The following DLG2 variants were observed in gnomAD, a reference collection of about 807,000 sequenced individuals.
The protein encoded by DLG2 is disks large homolog 2.
DLG2 carries 45 observed loss-of-function variants against 132.5 expected under a neutral mutation model. The observed-to-expected ratio is 0.34, with a 90% confidence interval of 0.27 to 0.44. The LOEUF is 0.44. DLG2 is among the 20% of genes least tolerant of loss of function. The pLI is 1.00. For synonymous variants in DLG2, 424 were observed against 419.6 expected, an observed-to-expected ratio of 1.01 and a Z score of -0.13; for missense variants, 1,045 against 1,196.9, an observed-to-expected ratio of 0.87 and a Z score of 1.87.
chr11:85,223,993 A>G (rs1369817090), intron 4 of DLG2, among the ~76,000 whole-genome samples: 1 of 152,184 alleles, frequency 6.6e-6, no homozygotes, highest in African/African-American at 2.4e-5. Flanking sequence ...AAAAAAGGTG[A>G]CCTTGGTAAA....
At chr11:84,471,802 T>A (rs1039343931) in intron 7 of DLG2, among the ~76,000 whole-genome samples, 2 of 151,880 alleles carry the variant, frequency 1.3e-5, no homozygotes, top group African/African-American at 4.8e-5. Context: ...AAACTCTCTA[T>A]CTTCCTCCTT....
intron 6 of DLG2, among the ~76,000 whole-genome samples, chr11:84,610,467 A>G (rs547096121): frequency 1.3e-5 from 2 of 152,284 alleles, no homozygotes; most frequent in South Asian, 4.1e-4. Flanking sequence ...AAGGTTCCAG[A>G]TAGTGACCTA....
rs11338428 is a variant in DLG2 at position 84,174,014 on chromosome 11, C to CTTTTTTTTTTTTTTTTTT, written c.574-10521_574-10504dup. 1.3e-3 allele frequency among the ~76,000 whole-genome samples: 81 copies of CTTTTTTTTTTTTTTTTTT among 61,202 alleles called. 15 individuals carry two copies. The highest frequency in any genetic ancestry group is 2.8e-3 in the African/African-American group (43 of 15,364). The allele number at this position is 61,202 out of a possible 152,430, so 40.2% of individuals were successfully genotyped here. The stretch of plus-strand genomic sequence containing the variant: ...CTGAGTTTTGACTTCACCCCCCGGC[C>CTTTTTTTTTTTTTTTTTT]TTTTTTTTTTTTTTTTTTTTTTCTG... On this transcript the variant is annotated intron_variant, in intron 8 of 27. Coordinates refer to ENST00000376104, the MANE Select transcript of DLG2 (RefSeq NM_001142699.3).
chr11:84,979,699 A>C (rs2055452011), intron 6 of DLG2, among the ~76,000 whole-genome samples: 1 of 152,162 alleles, frequency 6.6e-6, no homozygotes, highest in African/African-American at 2.4e-5. Flanking sequence ...AGATATACCT[A>C]ATATTAAATG....
chr11:84,879,255 C>G (rs2086902942), intron 6 of DLG2, among the ~76,000 whole-genome samples: 2 of 152,098 alleles, frequency 1.3e-5, no homozygotes, highest in South Asian at 4.2e-4. Context: ...TGCTCACAAA[C>G]AGGATAAAAT....
intron 3 of DLG2, among the ~76,000 whole-genome samples, chr11:85,352,038 C>T (rs954979237): frequency 6.6e-6 from 1 of 152,136 alleles, no homozygotes; most frequent in Non-Finnish European, 1.5e-5. Flanking sequence ...CCATCTGGTC[C>T]TGGACTTTTT....
intron 18 of DLG2, among the ~76,000 whole-genome samples, chr11:83,757,572 A>C (rs930237976): frequency 3.9e-5 from 6 of 152,300 alleles, no homozygotes; most frequent in East Asian, 1.9e-4. Flanking sequence ...TGAATAGATG[A>C]AGACTTTCAG....
rs772147218 is a variant in DLG2 at position 84,853,598 on chromosome 11, T to G, written c.357+258063A>C. On this transcript the variant is annotated intron_variant, in intron 6 of 27. Coordinates refer to ENST00000376104, the MANE Select transcript of DLG2 (RefSeq NM_001142699.3). ...TTAGTGCCTACCCTGCATCGAGCAC[T>G]GTGCTAGGTCTTAGGAATTGGAGAA... is the stretch of plus-strand genomic sequence containing the variant. Among the ~76,000 whole-genome samples the G allele has an allele frequency of 2.0e-5, 3 of 152,056 alleles. No individual in the cohort carries two copies. The South Asian group carries it at 6.2e-4, about 31-fold the overall frequency.
At chr11:84,753,524 T>C (rs1476712424) in intron 6 of DLG2, among the ~76,000 whole-genome samples, 2 of 152,198 alleles carry the variant, frequency 1.3e-5, no homozygotes, top group Admixed American at 1.3e-4. Context: ...TTTATGTTTT[T>C]GGCCTGGGAA....
intron 6 of DLG2, among the ~76,000 whole-genome samples, chr11:84,808,960 T>A (rs1360366626): frequency 6.6e-6 from 1 of 151,992 alleles, no homozygotes. Flanking sequence ...TCCTTTCTAA[T>A]ATTATTAAAA....
intron 18 of DLG2, among the ~76,000 whole-genome samples, chr11:83,678,928 G>C (rs752230938): frequency 6.6e-6 from 1 of 152,136 alleles, no homozygotes; most frequent in Non-Finnish European, 1.5e-5. Context: ...GACCAAAAGT[G>C]AGAGCAAGGA....
rs546130484 is a variant in DLG2 at position 83,754,075 on chromosome 11, A to G, written c.1825+32615T>C. Among the ~76,000 whole-genome samples the G allele has an allele frequency of 7.3e-5, 11 of 150,248 alleles. No homozygotes were observed. The East Asian group carries it at 1.9e-3, about 26-fold the overall frequency. ...AACAATGCTTTTGCCCTAAACATGGAGCTTATTTAGTTAAAAAATACTGGG... is the reference window on the plus strand; with the variant it reads ...AACAATGCTTTTGCCCTAAACATGGGGCTTATTTAGTTAAAAAATACTGGG... On this transcript the variant is annotated intron_variant, in intron 18 of 27. Coordinates refer to ENST00000376104, the MANE Select transcript of DLG2 (RefSeq NM_001142699.3).
intron 6 of DLG2, among the ~76,000 whole-genome samples, chr11:84,648,461 T>C (rs1373795575): frequency 6.6e-6 from 1 of 152,166 alleles, no homozygotes; most frequent in African/African-American, 2.4e-5. Context: ...TGTAGCTTCT[T>C]GACTTTCATT....
chr11:85,302,240 G>A (rs1468019727), intron 3 of DLG2, among the ~76,000 whole-genome samples: 1 of 152,028 alleles, frequency 6.6e-6, no homozygotes, highest in Non-Finnish European at 1.5e-5. Context: ...CTTTTGGTCT[G>A]TTATTTCCAA....
intron 9 of DLG2, among the ~76,000 whole-genome samples, chr11:84,127,772 G>A (rs533350767): frequency 1.3e-5 from 2 of 152,102 alleles, no homozygotes; most frequent in South Asian, 2.1e-4. Context: ...TCTTATGTGC[G>A]TATCTGTCTC....
At chr11:84,528,074 T>C (rs942589943) in intron 7 of DLG2, among the ~76,000 whole-genome samples, 7 of 152,184 alleles carry the variant, frequency 4.6e-5, no homozygotes, top group African/African-American at 1.2e-4. Flanking sequence ...ATCTAGGTAC[T>C]GAAAATCATT....
chr11:83,661,693 C>T (rs1288278115), intron 18 of DLG2, among the ~76,000 whole-genome samples: 1 of 152,096 alleles, frequency 6.6e-6, no homozygotes, highest in East Asian at 1.9e-4. Flanking sequence ...AGGACAAGGG[C>T]TACTGCAGTG....
chr11:84,843,243 A>T (rs2080937380), intron 6 of DLG2, among the ~76,000 whole-genome samples: 1 of 151,820 alleles, frequency 6.6e-6, no homozygotes, highest in Non-Finnish European at 1.5e-5. Context: ...TGTATACATC[A>T]AATACATGCC....
At chr11:83,874,333 G>T in intron 16 of DLG2, 87 bp downstream of exon 16, 1 of 874,718 alleles carries the variant, frequency 1.1e-6, no homozygotes, top group Non-Finnish European at 1.7e-6. Flanking sequence ...GGGAGGGAAG[G>T]AGAAAGAGAG....
Sources: allele counts gnomAD v4.1 joint callset (sites outside exome capture counted in the v4.1 genomes callset), GRCh38; gene constraint gnomAD v4.1.1; transcripts MANE v1.5; gene names NCBI Gene and HGNC (gene_info 2026-07-23, HGNC 2026-07-21).